Variants in DCAF6 observed in about 807,000 individuals in gnomAD.
DCAF6 encodes DDB1- and CUL4-associated factor 6.
Under a neutral mutation model 125.1 loss-of-function variants are expected in DCAF6, and 54 were observed. That is an observed-to-expected ratio of 0.43 (90% confidence interval 0.35 to 0.54). DCAF6 has a LOEUF of 0.54. Among genes scored for constraint, DCAF6 ranks in the 20% least tolerant of loss-of-function variants. The probability of loss-of-function intolerance (pLI) is 0.01; values close to 1 mark genes in which losing one functional copy is unlikely to be tolerated. For missense variants in DCAF6, 934 were observed against 1,161.7 expected (o/e 0.80, Z 2.85); for synonymous variants, 371 against 390.4 (o/e 0.95, Z 0.58).
At position 168,013,786 on chromosome 1, in the gene DCAF6, C is replaced by G. The variant is rs376156386; in HGVS notation, c.1379-1995C>G. Among the ~76,000 whole-genome samples the G allele has an allele frequency of 7.2e-5, 11 of 151,998 alleles. 1 individual carries two copies. The East Asian group carries it at 1.7e-3, about 24-fold the overall frequency. ...TTTTTTGGTGGGTCTTCCTCTGTTG[C>G]CCGGGCTGGAGTGCAATGGTGCAGT... On this transcript the variant is annotated intron_variant, in intron 10 of 21. Coordinates refer to ENST00000367840, the MANE Select transcript of DCAF6 (RefSeq NM_001198956.2).
At chr1:167,888,875 C>CAAAAAAAAAAAAAA in the DCAF6 span, among the ~76,000 whole-genome samples, 3 of 94,166 alleles carry the variant, frequency 3.2e-5, no homozygotes, top group Non-Finnish European at 6.1e-5. Flanking sequence ...GACTCCGTCT[C>CAAAAAAAAAAAAAA]AAAAAAAAAA....
intron 4 of DCAF6, among the ~76,000 whole-genome samples, chr1:167,983,101 C>T (rs988249944): frequency 1.3e-5 from 2 of 152,138 alleles, no homozygotes; most frequent in African/African-American, 4.8e-5. Context: ...TAATGTGATA[C>T]CTCTGGCTTT....
chr1:167,911,506 C>T, the DCAF6 span, among the ~76,000 whole-genome samples: 1 of 151,850 alleles, frequency 6.6e-6, no homozygotes, highest in Non-Finnish European at 1.5e-5. Flanking sequence ...TTACTTCCTC[C>T]TTCTTTTGTT....
At chr1:168,012,480 TATTC>T (rs781237577) in intron 10 of DCAF6, among the ~76,000 whole-genome samples, 5 of 152,252 alleles carry the variant, frequency 3.3e-5, no homozygotes, top group Non-Finnish European at 7.3e-5. Context: ...GTATTTATTG[TATTC>T]AATTTTCAGT....
chr1:167,974,790 A>T (rs757580947), intron 3 of DCAF6, 40 bp from the exon 4 acceptor site: 1 of 1,416,860 alleles, frequency 7.1e-7, no homozygotes, highest in Non-Finnish European at 9.3e-7. Context: ...TTTCTAGGAA[A>T]TAATAAGTTA....
At chr1:167,979,644 T>C (rs1678799576) in intron 4 of DCAF6, among the ~76,000 whole-genome samples, 1 of 152,224 alleles carries the variant, frequency 6.6e-6, no homozygotes, top group Non-Finnish European at 1.5e-5. Flanking sequence ...CCCAGCACTT[T>C]GGGAGGCCGA....
chr1:168,057,475 T>C (rs750335634), intron 17 of DCAF6, among the ~76,000 whole-genome samples: 34 of 152,238 alleles, frequency 2.2e-4, no homozygotes, highest in Non-Finnish European at 3.2e-4. Context: ...GATTTACTCT[T>C]TTCCTCCATT....
intron 2 of DCAF6, 58 bp from the exon 3 acceptor site, chr1:167,966,571 A>G: frequency 1.8e-6 from 2 of 1,103,382 alleles, no homozygotes; most frequent in East Asian, 2.4e-5. Flanking sequence ...TGAGTGAAAG[A>G]TGGCATATTT....
At chr1:167,887,333 T>C in the DCAF6 span, among the ~76,000 whole-genome samples, 27,404 of 152,208 alleles carry the variant, frequency 0.18, 2,793 homozygotes, top group South Asian at 0.31. Context: ...TAAGAAAATG[T>C]GGCATGTATA....
chr1:167,893,730 T>C, the DCAF6 span: 17 of 631,058 alleles, frequency 2.7e-5, no homozygotes, highest in Non-Finnish European at 4.5e-5. Context: ...GGAAGTCTTT[T>C]TATTTTAATG....
At chr1:168,025,906 A>G (rs993956500) in intron 12 of DCAF6, among the ~76,000 whole-genome samples, 5 of 152,292 alleles carry the variant, frequency 3.3e-5, no homozygotes, top group South Asian at 2.1e-4. Context: ...CTGTATCTCT[A>G]ATCTCGTCTC....
chr1:168,034,054 T>C (rs1687491315), intron 12 of DCAF6, among the ~76,000 whole-genome samples: 1 of 152,218 alleles, frequency 6.6e-6, no homozygotes, highest in South Asian at 2.1e-4. Context: ...CTACCAGAAC[T>C]CTTAACCAGT....
intron 1 of DCAF6, among the ~76,000 whole-genome samples, chr1:167,950,568 A>C (rs1490137460): frequency 6.6e-6 from 1 of 152,246 alleles, no homozygotes; most frequent in Non-Finnish European, 1.5e-5. Flanking sequence ...AGAAAGAAGT[A>C]AAACAAATTG....
At chr1:167,963,951 A>G (rs938933165) in intron 2 of DCAF6, among the ~76,000 whole-genome samples, 26 of 152,178 alleles carry the variant, frequency 1.7e-4, no homozygotes, top group Admixed American at 2.0e-4. Context: ...ACCTTGTACT[A>G]TTTCTGTTAT....
chr1:168,025,899 T>C (rs1303752609), intron 12 of DCAF6, among the ~76,000 whole-genome samples: 1 of 152,214 alleles, frequency 6.6e-6, no homozygotes, highest in African/African-American at 2.4e-5. Flanking sequence ...TTGATTTCTG[T>C]ATCTCTAATC....
chr1:168,047,032 A>AT (rs1343932514), intron 16 of DCAF6, among the ~76,000 whole-genome samples: 2 of 152,230 alleles, frequency 1.3e-5, no homozygotes, highest in East Asian at 3.9e-4. Flanking sequence ...AGCCTGCTTT[A>AT]TAGCTGAGGA....
At chr1:167,965,211 G>A (rs142078564) in intron 2 of DCAF6, among the ~76,000 whole-genome samples, 58 of 152,302 alleles carry the variant, frequency 3.8e-4, no homozygotes, top group African/African-American at 1.4e-3. Context: ...CTATGATTAG[G>A]TGTCTGTCAC....
the DCAF6 span, chr1:167,924,531 C>A: frequency 6.5e-7 from 1 of 1,549,870 alleles, no homozygotes; most frequent in Admixed American, 2.2e-5. Context: ...GAAAACTGTT[C>A]TGGGACCTGA....
At chr1:168,044,726 C>G in intron 15 of DCAF6, 55 bp downstream of exon 15, 1 of 1,480,110 alleles carries the variant, frequency 6.8e-7, no homozygotes, top group South Asian at 1.2e-5. Flanking sequence ...AAGCCTTAAT[C>G]TATGTTAATC....
Sources: gnomAD v4.1 joint callset for allele counts (sites outside exome capture counted in the v4.1 genomes callset) on GRCh38, gnomAD v4.1.1 for gene constraint, MANE v1.5 for transcripts, NCBI Gene and HGNC (gene_info 2026-07-23, HGNC 2026-07-21) for gene names.